FANCL: variants seen among roughly 807,000 people sequenced by gnomAD.
FANCL encodes the protein FA complementation group L, also known as E3 ubiquitin-protein ligase FANCL.
In FANCL, 69 loss-of-function variants were observed where a neutral mutation model predicts 59.4. The observed-to-expected ratio is 1.16, with a 90% CI of 0.96 to 1.42. The LOEUF (loss-of-function observed/expected upper bound fraction) is 1.42, where lower values mean the gene tolerates loss of function less well. Among genes scored for constraint, FANCL ranks in the 40% most tolerant of loss-of-function variants. The pLI is 0.00. For synonymous variants in FANCL, 180 were observed against 147.1 expected (o/e 1.22, Z -1.62); for missense variants, 519 against 447.2 (o/e 1.16, Z -1.45).
At chr2:58,180,013 C>T (rs1340419781) in intron 7 of FANCL, among the ~76,000 whole-genome samples, 1 of 152,102 alleles carries the variant, frequency 6.6e-6, no homozygotes, top group African/African-American at 2.4e-5. Flanking sequence ...AAATCAAAAC[C>T]ACAATGAGAT....
At position 58,159,725 on chromosome 2, in the gene FANCL, T is replaced by TTAAG. The variant is rs770976250; in HGVS notation, c.*36_*39dup. 21 of 1,612,194 alleles carry TTAAG rather than the reference T, an allele frequency of 1.3e-5. No individual in the cohort carries two copies. In the Admixed American group the frequency reaches 2.7e-4, roughly 21 times the overall value. The stretch of plus-strand genomic sequence containing the variant: ...TACCAAAATTCCTTTTGATAATTTT[T>TTAAG]TAAGTTTCCAGCTCTTCACCGAAAT... On this transcript the variant is annotated 3_prime_UTR_variant, in exon 14 of 14. Coordinates refer to ENST00000233741, the MANE Select transcript of FANCL (RefSeq NM_018062.4).
chr2:58,168,923 C>T (rs1270412194), intron 7 of FANCL, among the ~76,000 whole-genome samples: 1 of 152,170 alleles, frequency 6.6e-6, no homozygotes, highest in African/African-American at 2.4e-5. Flanking sequence ...GGCAGGGCAC[C>T]TCTGAAAGAA....
chr2:58,178,638 A>G (rs1687611018), intron 7 of FANCL, among the ~76,000 whole-genome samples: 1 of 152,202 alleles, frequency 6.6e-6, no homozygotes, highest in Non-Finnish European at 1.5e-5. Flanking sequence ...CTGAATGGGC[A>G]AAAGCTGGAA....
intron 7 of FANCL, among the ~76,000 whole-genome samples, chr2:58,186,052 T>C (rs556002506): frequency 1.3e-5 from 2 of 152,246 alleles, no homozygotes; most frequent in East Asian, 3.9e-4. Context: ...ATTTTTCAAA[T>C]AGTGACAAGT....
chr2:58,223,472 T>C lies in FANCL; in HGVS notation c.274-1430A>G, dbSNP rs529949344. ...AGGTAAAAATAAACCTGGATAATAGTAAAAACACTTTTCAATCTTAGGTTT... is the reference window on the plus strand; with the variant it reads ...AGGTAAAAATAAACCTGGATAATAGCAAAAACACTTTTCAATCTTAGGTTT... On this transcript the variant is annotated intron_variant, in intron 4 of 13. Transcript: ENST00000233741. 9.2e-5 allele frequency among the ~76,000 whole-genome samples: 14 copies of C among 152,096 alleles called. No homozygotes were observed. In the East Asian group the frequency reaches 1.3e-3, roughly 15 times the overall value.
At chr2:58,193,610 C>T (rs961724116) in intron 7 of FANCL, among the ~76,000 whole-genome samples, 2 of 151,920 alleles carry the variant, frequency 1.3e-5, no homozygotes, top group Admixed American at 6.6e-5. Context: ...AGACTGCCAA[C>T]AAAGAAAAAG....
intron 1 of FANCL, among the ~76,000 whole-genome samples, chr2:58,240,540 T>C (rs1694427970): frequency 6.6e-6 from 1 of 152,206 alleles, no homozygotes; most frequent in Non-Finnish European, 1.5e-5. Flanking sequence ...GGAATGATGA[T>C]TCTTTTAAAA....
In FANCL at chr2:58,165,743, T is replaced by C; in HGVS notation, c.672A>G (p.Thr224=). The part of the protein sequence containing the change: ...LEPEKPPRSA[T]ARRIALGNNV... ...CCCTACCTAATGCAATTCTGCGTGC[T>C]GTTGCACTCCGTGGAGGTTTTTCTG... The change falls in exon 8 of 14, where the codon ACA becomes ACG. Residue 224 remains threonine, a synonymous_variant. Transcript: ENST00000233741. 2 of 1,614,162 alleles carry C rather than the reference T, an allele frequency of 1.2e-6. No homozygotes were observed.
rs1213911879 is a variant in FANCL at position 58,159,444 on chromosome 2, A to AAACT, written c.*317_*320dup. ...AAAAAATCAGCTATACACAATTCCC[A>AAACT]AACTCATTTTATGAGCCTCATCAAG... On this transcript the variant is annotated 3_prime_UTR_variant, in exon 14 of 14. Coordinates refer to ENST00000233741, the MANE Select transcript of FANCL (RefSeq NM_018062.4). The AAACT allele has an allele frequency of 6.2e-7, 1 of 1,613,498 alleles. No homozygotes were observed. Among genetic ancestry groups the AAACT allele is most frequent in the African/African-American group, 1.3e-5 (1 of 74,904 alleles).
chr2:58,178,229 T>C (rs1389762581), intron 7 of FANCL, among the ~76,000 whole-genome samples: 1 of 152,144 alleles, frequency 6.6e-6, no homozygotes, highest in African/African-American at 2.4e-5. Flanking sequence ...CCCTAACTCA[T>C]TTTATGAGGC....
intron 7 of FANCL, among the ~76,000 whole-genome samples, chr2:58,181,714 G>T (rs1420036345): frequency 1.3e-5 from 2 of 151,732 alleles, no homozygotes; most frequent in Non-Finnish European, 1.5e-5. Context: ...TGGATACATG[G>T]GTATTCACCA....
chr2:58,171,984 G>A (rs901251727), intron 7 of FANCL, among the ~76,000 whole-genome samples: 6 of 152,226 alleles, frequency 3.9e-5, no homozygotes, highest in Non-Finnish European at 7.3e-5. Flanking sequence ...CGCCCACGGA[G>A]CCTCCTTCAT....
At chr2:58,162,768 T>C in intron 11 of FANCL, 98 bp downstream of exon 11, 2 of 1,072,096 alleles carry the variant, frequency 1.9e-6, no homozygotes, top group Non-Finnish European at 2.9e-6. Flanking sequence ...AATATTTTTC[T>C]AATTCCCTCC....
rs537399488 is a variant in FANCL at position 58,192,867 on chromosome 2, A to T, written c.540+5727T>A. ...TTTTTCTAAAAAGAAAACAAAAACA[A>T]CAACAACAAAAAACCTTGCAAACTT... On this transcript the variant is annotated intron_variant, in intron 7 of 13. Coordinates refer to ENST00000233741, the MANE Select transcript of FANCL (RefSeq NM_018062.4). Among the ~76,000 whole-genome samples the T allele has an allele frequency of 3.0e-4, 45 of 152,142 alleles. No individual in the cohort carries two copies. The South Asian group carries it at 9.1e-3, about 31-fold the overall frequency.
intron 11 of FANCL, among the ~76,000 whole-genome samples, chr2:58,162,046 G>C (rs895714947): frequency 6.6e-6 from 1 of 151,834 alleles, no homozygotes; most frequent in Non-Finnish European, 1.5e-5. Context: ...TGGCTGGCAA[G>C]ATGTTTGGGC....
intron 7 of FANCL, among the ~76,000 whole-genome samples, chr2:58,171,042 C>T (rs1686551341): frequency 6.6e-6 from 1 of 152,130 alleles, no homozygotes; most frequent in Non-Finnish European, 1.5e-5. Context: ...GACATCTACA[C>T]AACTCTCCAC....
intron 7 of FANCL, among the ~76,000 whole-genome samples, chr2:58,171,865 T>G (rs1417169269): frequency 6.6e-6 from 1 of 152,010 alleles, no homozygotes; most frequent in African/African-American, 2.4e-5. Flanking sequence ...AAGAAAGGGG[T>G]GACAGACAGC....
intron 7 of FANCL, among the ~76,000 whole-genome samples, chr2:58,184,383 T>C (rs148047915): frequency 6.6e-6 from 1 of 152,102 alleles, no homozygotes; most frequent in African/African-American, 2.4e-5. Context: ...TTGTCTAAAA[T>C]ATGGGAGAAA....
chr2:58,174,317 CA>C (rs1264934457), intron 7 of FANCL, among the ~76,000 whole-genome samples: 1 of 152,170 alleles, frequency 6.6e-6, no homozygotes, highest in Non-Finnish European at 1.5e-5. Context: ...CTTTCCACCC[CA>C]AATCAACAGA....
Sources: allele counts gnomAD v4.1 joint callset (sites outside exome capture counted in the v4.1 genomes callset), GRCh38; gene constraint gnomAD v4.1.1; transcripts MANE v1.5; gene names NCBI Gene and HGNC (gene_info 2026-07-23, HGNC 2026-07-21).